Variants in SPRR5 observed in about 807,000 individuals in gnomAD.
SPRR5 encodes small proline-rich protein 5.
chr1:152,947,262 G>T lies in SPRR5; in HGVS notation c.-19+14G>T. ...TGGTGAACCTTGGTAAGTCTGGAAA[G>T]GTAGTACCTCTTATAGCAGCCTTGC... On this transcript the variant is annotated intron_variant, in intron 1 of 1. Transcript: ENST00000636302. The T allele has an allele frequency of 6.6e-6, 1 of 152,488 alleles. No homozygotes were observed. Among genetic ancestry groups the T allele is most frequent in the Non-Finnish European group, 1.5e-5 (1 of 68,194 alleles). The allele number at this position is 152,488 out of a possible 1,614,324, so 9.4% of individuals were successfully genotyped here.
intron 1 of SPRR5, 108 bp from the exon 2 acceptor site, chr1:152,948,428 AG>A: frequency 4.9e-6 from 1 of 204,686 alleles, no homozygotes; most frequent in Non-Finnish European, 1.0e-5. Context: ...TGAAGGGATC[AG>A]GGCAAGGTAA....
chr1:152,948,179 G>T (rs1277766712), intron 1 of SPRR5, among the ~76,000 whole-genome samples: 4 of 151,958 alleles, frequency 2.6e-5, no homozygotes, highest in African/African-American at 9.7e-5. Context: ...GCTATAATAG[G>T]ATACAACAGT....
chr1:152,947,561 G>A (rs373608155), intron 1 of SPRR5, among the ~76,000 whole-genome samples: 12 of 152,124 alleles, frequency 7.9e-5, no homozygotes, highest in African/African-American at 2.7e-4. Flanking sequence ...TAGGAGAGGA[G>A]AGACCAGTTC....
chr1:152,948,092 C>T (rs943869686), intron 1 of SPRR5, among the ~76,000 whole-genome samples: 1 of 152,122 alleles, frequency 6.6e-6, no homozygotes, highest in African/African-American at 2.4e-5. Flanking sequence ...ACCTTAGTTG[C>T]TCAAAATCAT....
At chr1:152,947,453 G>A (rs1189377436) in intron 1 of SPRR5, among the ~76,000 whole-genome samples, 3 of 152,140 alleles carry the variant, frequency 2.0e-5, no homozygotes, top group African/African-American at 7.2e-5. Flanking sequence ...GGCTGAGCAG[G>A]GAGAAGGAGG....
Position 152,948,621 on chromosome 1 carries a change from TG to T in SPRR5, c.68del (p.Cys23SerfsTer103). The T allele has an allele frequency of 1.7e-5, 1 of 57,672 alleles. No individual in the cohort carries two copies. The highest frequency in any genetic ancestry group is 8.5e-4 in the South Asian group (1 of 1,174). 3.6% of individuals were successfully genotyped at this position (57,672 alleles called of 1,614,324 possible). A position where few individuals can be genotyped will look rare whatever the true frequency, so the allele number is the denominator to read the frequency against. On this transcript the variant is annotated frameshift_variant, in exon 2 of 2. Transcript: ENST00000636302. LOFTEE classifies it high-confidence loss of function. ...GTGCTGCCCCCCACCCCAGCAGCGC[TG>T]CCCCCCACCCCAGCAGTGCTGCCCC...
intron 1 of SPRR5, among the ~76,000 whole-genome samples, chr1:152,948,290 C>A (rs1651112428): frequency 6.6e-6 from 1 of 151,628 alleles, no homozygotes; most frequent in African/African-American, 2.4e-5. Context: ...TTTTCCCTCC[C>A]TTCCTCCTTT....
exon 2 of SPRR5, chr1:152,948,822 G>A (rs1192898629): frequency 1.5e-5 from 3 of 197,178 alleles, no homozygotes; most frequent in South Asian, 2.2e-4. Context: ...CAAGTGCCAG[G>A]AGCCCTGTGC....
At chr1:152,948,558 T>A (rs920013215) in exon 2 of SPRR5, 1 of 337,906 alleles carries the variant, frequency 3.0e-6, no homozygotes, top group Non-Finnish European at 5.4e-6. Flanking sequence ...GCCCAGAATG[T>A]CTCAGCAGAA....
exon 2 of SPRR5, chr1:152,948,559 C>A: frequency 3.0e-6 from 1 of 336,212 alleles, no homozygotes; most frequent in Non-Finnish European, 5.4e-6. Flanking sequence ...CCCAGAATGT[C>A]TCAGCAGAAG....
chr1:152,948,209 C>CT (rs982031386), intron 1 of SPRR5, among the ~76,000 whole-genome samples: 3 of 151,406 alleles, frequency 2.0e-5, no homozygotes, highest in Non-Finnish European at 4.4e-5. Flanking sequence ...CATTCTTCCT[C>CT]TTTTTTTTCC....
chr1:152,949,142 A>C (rs1651146859), exon 2 of SPRR5: 1 of 152,146 alleles, frequency 6.6e-6, no homozygotes, highest in African/African-American at 2.4e-5. Context: ...ATCTTTCCTG[A>C]CATGCATCTA....
chr1:152,948,361 A>T (rs1181648411), intron 1 of SPRR5, among the ~76,000 whole-genome samples, 176 bp from the exon 2 acceptor site: 1 of 148,540 alleles, frequency 6.7e-6, no homozygotes, highest in African/African-American at 2.6e-5. Context: ...ACTTGTAAAC[A>T]CTTAAAGTTT....
At chr1:152,948,609 C>T (rs1377381759) in exon 2 of SPRR5, 1 of 110,366 alleles carries the variant, frequency 9.1e-6, no homozygotes, top group African/African-American at 3.4e-5. Flanking sequence ...CTGCCCCCCA[C>T]CCCAGCAGCG....
exon 2 of SPRR5, chr1:152,949,108 G>A (rs1651145337): frequency 6.5e-6 from 1 of 152,710 alleles, no homozygotes; most frequent in Non-Finnish European, 1.5e-5. Flanking sequence ...CTCAGACAAG[G>A]ATCTGGTTCT....
chr1:152,948,904 C>T (rs61815714), exon 2 of SPRR5: 67,780 of 203,224 alleles, frequency 0.33, 14,464 homozygotes, highest in Non-Finnish European at 0.46. Flanking sequence ...TGATCAGAGG[C>T]GAACCCCCAG....
intron 1 of SPRR5, among the ~76,000 whole-genome samples, chr1:152,948,232 T>G (rs979222558): frequency 6.6e-6 from 1 of 152,124 alleles, no homozygotes; most frequent in Admixed American, 6.5e-5. Flanking sequence ...TCTCTCCCTT[T>G]TCTTTTTTTA....
intron 1 of SPRR5, among the ~76,000 whole-genome samples, 187 bp downstream of exon 1, chr1:152,947,435 G>A (rs1364353794): frequency 6.6e-6 from 1 of 152,174 alleles, no homozygotes; most frequent in Non-Finnish European, 1.5e-5. Context: ...GAGTAGTGTG[G>A]GAGGCTGGGC....
At chr1:152,948,925 G>A in exon 2 of SPRR5, 1 of 207,348 alleles carries the variant, frequency 4.8e-6, no homozygotes. Context: ...GAAAAACAGA[G>A]CATGAAGTTC....
Sources: allele counts gnomAD v4.1 joint callset (sites outside exome capture counted in the v4.1 genomes callset), GRCh38; gene constraint gnomAD v4.1.1; transcripts MANE v1.5; gene names NCBI Gene and HGNC (gene_info 2026-07-23, HGNC 2026-07-21).